The following SFXN2 variants were observed in gnomAD, a reference collection of about 807,000 sequenced individuals.
The protein encoded by SFXN2 is sideroflexin 2.
Under a neutral mutation model 41.9 loss-of-function variants are expected in SFXN2, and 37 were observed. The ratio of observed to expected loss-of-function variants is 0.88; its 90% CI spans 0.68 to 1.16. The LOEUF (loss-of-function observed/expected upper bound fraction) is 1.16, where lower values mean the gene tolerates loss of function less well. Among genes scored for constraint, SFXN2 ranks in the 50% most tolerant of loss-of-function variants. The pLI is 0.00. For missense variants in SFXN2, 386 were observed against 425.2 expected (o/e 0.91, Z 0.81); for synonymous variants, 150 against 156.7 (o/e 0.96, Z 0.32).
chr10:102,741,071 T>C lies in SFXN2; in HGVS notation c.*3309T>C, dbSNP rs113030088. The C allele has an allele frequency of 6.6e-6, 1 of 152,222 alleles. No individual in the cohort carries two copies. The highest frequency in any genetic ancestry group is 1.5e-5 in the Non-Finnish European group (1 of 68,060). The allele number at this position is 152,222 out of a possible 1,614,324, so 9.4% of individuals were successfully genotyped here. A position where few individuals can be genotyped will look rare whatever the true frequency, so the allele number is the denominator to read the frequency against. On this transcript the variant is annotated 3_prime_UTR_variant, in exon 12 of 12. Coordinates refer to ENST00000369893, the MANE Select transcript of SFXN2 (RefSeq NM_178858.6). The stretch of plus-strand genomic sequence containing the variant: ...TGCATCTCAGTCTCATTTTGTAACA[T>C]CTCTCTTCTTTGAGTTGGCTGCTGT...
intron 1 of SFXN2, among the ~76,000 whole-genome samples, chr10:102,720,308 A>C (rs1401235450): frequency 1.3e-5 from 2 of 150,516 alleles, no homozygotes; most frequent in Admixed American, 6.6e-5. Context: ...AAAAAAAAAA[A>C]AAAAAAAAAC....
At chr10:102,722,693 A>G (rs1048196810) in intron 1 of SFXN2, among the ~76,000 whole-genome samples, 1 of 151,908 alleles carries the variant, frequency 6.6e-6, no homozygotes, top group Non-Finnish European at 1.5e-5. Context: ...GGCACATGCA[A>G]CCACGCCTGG....
In SFXN2 at chr10:102,733,910, T is replaced by TG. The variant is rs542597872; in HGVS notation, c.821+309dup. On this transcript the variant is annotated intron_variant, in intron 10 of 11. Coordinates refer to ENST00000369893, the MANE Select transcript of SFXN2 (RefSeq NM_178858.6). The stretch of plus-strand genomic sequence containing the variant: ...GTTTTTTGCTTTTTTTTTTTTGAGA[T>TG]GGAGTCTCGCTCTGTCGCCCAGTCT... 1.1e-4 allele frequency among the ~76,000 whole-genome samples: 17 copies of TG among 150,580 alleles called. No individual in the cohort carries two copies. The South Asian group carries it at 2.9e-3, about 26-fold the overall frequency.
intron 10 of SFXN2, 120 bp downstream of exon 10, chr10:102,733,723 C>T: frequency 1.2e-6 from 1 of 812,184 alleles, no homozygotes; most frequent in Non-Finnish European, 2.1e-6. Flanking sequence ...AGTGGTCAAG[C>T]TCAGAATACC....
chr10:102,729,100 C>T (rs536644049), intron 4 of SFXN2, among the ~76,000 whole-genome samples: 11 of 152,268 alleles, frequency 7.2e-5, no homozygotes, highest in African/African-American at 2.2e-4. Context: ...GCAGAGGCTC[C>T]GAGGCAGGGA....
At position 102,734,174 on chromosome 10, in the gene SFXN2, G is replaced by A. The variant is rs1456253860; in HGVS notation, c.821+571G>A. Among the ~76,000 whole-genome samples, 3 of 152,148 alleles carry A rather than the reference G, an allele frequency of 2.0e-5. No individual in the cohort carries two copies. The highest frequency in any genetic ancestry group is 4.8e-5 in the African/African-American group (2 of 41,428). ...CATGAGCCACTGCGCCTGGCTGTCT[G>A]GAGCAGTTTTACAGAAGAGATAAGA... On this transcript the variant is annotated intron_variant, in intron 10 of 11. Transcript: ENST00000369893. This position sits in a 1 kb window ranked among gnomAD's most constrained non-coding sequence, Gnocchi z 4.1.
chr10:102,732,348 A>G lies in SFXN2; in HGVS notation c.721+130A>G, dbSNP rs2064717054. 9.5e-6 allele frequency: 7 copies of G among 734,954 alleles called. No homozygotes were observed. The Admixed American group carries it at 1.6e-4, about 17-fold the overall frequency. 45.5% of individuals were successfully genotyped at this position (734,954 alleles called of 1,614,324 possible). On this transcript the variant is annotated intron_variant, in intron 8 of 11. Transcript: ENST00000369893. Reference sequence around the variant, plus strand: ...CATGCTTCTCAAACTGCTTTGCTTGATTGCTGTAAGCCTAGAAGAACCACA... The same window carrying G: ...CATGCTTCTCAAACTGCTTTGCTTGGTTGCTGTAAGCCTAGAAGAACCACA...
At chr10:102,726,824 G>T in intron 2 of SFXN2, 27 bp downstream of exon 2, 1 of 1,613,274 alleles carries the variant, frequency 6.2e-7, no homozygotes, top group Non-Finnish European at 8.5e-7. Context: ...GGGGCTGGAA[G>T]TAGTAGGGTA....
At chr10:102,715,778 C>G (rs1481798116) in intron 1 of SFXN2, among the ~76,000 whole-genome samples, 3 of 151,710 alleles carry the variant, frequency 2.0e-5, no homozygotes, top group Non-Finnish European at 4.4e-5. Context: ...GACCCTGCCT[C>G]TACAAAAAAA....
chr10:102,722,474 G>A (rs888594296), intron 1 of SFXN2, among the ~76,000 whole-genome samples: 5 of 152,120 alleles, frequency 3.3e-5, no homozygotes, highest in East Asian at 1.9e-4. Context: ...TTAAACAAAC[G>A]TATCTGTTTG....
intron 1 of SFXN2, 184 bp from the exon 2 acceptor site, chr10:102,726,428 C>T: frequency 3.3e-6 from 2 of 600,352 alleles, no homozygotes; most frequent in Non-Finnish European, 5.8e-6. Context: ...AGCAGGCCCT[C>T]AGGAAACACA....
chr10:102,719,475 C>T (rs112166384), intron 1 of SFXN2, among the ~76,000 whole-genome samples: 34 of 151,848 alleles, frequency 2.2e-4, no homozygotes, highest in African/African-American at 7.0e-4. Context: ...GTGATCCACC[C>T]GCCTCGGCCT....
At chr10:102,715,870 C>T (rs1364415095) in intron 1 of SFXN2, among the ~76,000 whole-genome samples, 3 of 150,612 alleles carry the variant, frequency 2.0e-5, no homozygotes, top group Non-Finnish European at 3.0e-5. Flanking sequence ...ATTGCTTGAG[C>T]CCAGGAGCTA....
rs1303132980 is a variant in SFXN2 at position 102,738,177 on chromosome 10, G to A, written c.*415G>A. The A allele has an allele frequency of 6.5e-6, 1 of 152,912 alleles. No individual in the cohort carries two copies. Among genetic ancestry groups the A allele is most frequent in the East Asian group, 1.9e-4 (1 of 5,228 alleles). 9.5% of individuals were successfully genotyped at this position (152,912 alleles called of 1,614,324 possible). A position where few individuals can be genotyped will look rare whatever the true frequency, so the allele number is the denominator to read the frequency against. ...TCGCTTCCTCCTCTCCCAAGCAATG[G>A]AAACTTTTACCCATGTAATTCTAGC... is the stretch of plus-strand genomic sequence containing the variant. On this transcript the variant is annotated 3_prime_UTR_variant, in exon 12 of 12. Coordinates refer to ENST00000369893, the MANE Select transcript of SFXN2 (RefSeq NM_178858.6).
intron 5 of SFXN2, 94 bp from the exon 6 acceptor site, chr10:102,729,629 C>G: frequency 7.4e-7 from 1 of 1,346,118 alleles, no homozygotes; most frequent in Non-Finnish European, 1.0e-6. Context: ...GTAGCAAGGC[C>G]TAGTTTTCTT....
rs982990090 is a variant in SFXN2 at position 102,728,230 on chromosome 10, C to T, written c.333-201C>T. ...AGGAGAATTGCTTGAACCTGGGAGG[C>T]GGAGGTTGCAGTGAGCTGAGATCGT... On this transcript the variant is annotated intron_variant, in intron 3 of 11. Transcript: ENST00000369893. Among the ~76,000 whole-genome samples the T allele has an allele frequency of 5.3e-5, 8 of 152,156 alleles. No homozygotes were observed. In the South Asian group the frequency reaches 1.5e-3, roughly 28 times the overall value.
intron 6 of SFXN2, 76 bp from the exon 7 acceptor site, chr10:102,731,647 G>C (rs2064705491): frequency 2.4e-5 from 32 of 1,348,194 alleles, no homozygotes; most frequent in Non-Finnish European, 3.3e-5. Context: ...CCTGGCCTTG[G>C]TCCCCTGGCA....
chr10:102,726,492 T>G, intron 1 of SFXN2, 120 bp from the exon 2 acceptor site: 1 of 1,028,206 alleles, frequency 9.7e-7, no homozygotes, highest in Non-Finnish European at 1.4e-6. Context: ...CCTCCCAAGC[T>G]GAGTCAGACG....
At position 102,737,828 on chromosome 10, in the gene SFXN2, A is replaced by G; in HGVS notation, c.*66A>G. ...CCAGCTCCTCCTTAGCTACGTGCAC[A>G]CTTGTGTCCTCCTTCCCCTTTGCCA... On this transcript the variant is annotated 3_prime_UTR_variant, in exon 12 of 12. Transcript: ENST00000369893. 1.7e-6 allele frequency: 2 copies of G among 1,144,836 alleles called. No homozygotes were observed. The highest frequency in any genetic ancestry group is 2.6e-6 in the Non-Finnish European group (2 of 772,994). The allele number at this position is 1,144,836 out of a possible 1,614,324, so 70.9% of individuals were successfully genotyped here.
Sources: gnomAD v4.1 joint callset for allele counts (sites outside exome capture counted in the v4.1 genomes callset) on GRCh38, gnomAD v4.1.1 for gene constraint, Gnocchi (gnomAD v3.1) non-coding constraint, MANE v1.5 for transcripts, NCBI Gene and HGNC (gene_info 2026-07-23, HGNC 2026-07-21) for gene names.